Variants in CNTN5 observed in about 807,000 individuals in gnomAD.
CNTN5 encodes contactin-5.
CNTN5 carries 77 observed loss-of-function variants against 129.1 expected under a neutral mutation model. The observed-to-expected ratio is 0.60, with a 90% CI of 0.50 to 0.72. CNTN5 has a LOEUF of 0.72. CNTN5 is among the 30% of genes least tolerant of loss of function. The pLI is 0.00. For missense variants in CNTN5, 1,478 were observed against 1,328.8 expected (o/e 1.11, Z -1.75); for synonymous variants, 509 against 465.6 (o/e 1.09, Z -1.20).
chr11:99,256,924 C>T (rs1014433763), intron 1 of CNTN5, among the ~76,000 whole-genome samples: 2 of 151,946 alleles, frequency 1.3e-5, no homozygotes, highest in African/African-American at 4.8e-5. Context: ...TGCACATATT[C>T]CAAGATAGAT....
intron 1 of CNTN5, among the ~76,000 whole-genome samples, chr11:99,101,622 T>G (rs1422870867): frequency 5.9e-5 from 9 of 152,306 alleles, no homozygotes; most frequent in African/African-American, 2.2e-4. Flanking sequence ...CAGTCAAATC[T>G]ATGAACTACA....
intron 3 of CNTN5, among the ~76,000 whole-genome samples, chr11:99,749,209 A>G (rs1944155163): frequency 6.6e-6 from 1 of 152,192 alleles, no homozygotes; most frequent in Non-Finnish European, 1.5e-5. Context: ...AAAATAAAAA[A>G]TACTCTGGTC....
intron 6 of CNTN5, among the ~76,000 whole-genome samples, chr11:99,860,788 CTTG>C (rs764769209): frequency 1.4e-4 from 22 of 151,862 alleles, no homozygotes; most frequent in East Asian, 1.4e-3. Context: ...GAATGTTTTT[CTTG>C]TTGTTGTTAC....
Position 99,038,284 on chromosome 11 carries a change from TTTAA to T in CNTN5, c.-210+17017_-210+17020del, listed in dbSNP as rs1288054035. The stretch of plus-strand genomic sequence containing the variant: ...AAATTATGATAAAAGTTTTTTTACT[TTTAA>T]TTGACAAATAATAGTTGTGAATATT... On this transcript the variant is annotated intron_variant, in intron 1 of 24. Transcript: ENST00000524871. Among the ~76,000 whole-genome samples the T allele has an allele frequency of 2.0e-5, 3 of 152,172 alleles. No individual in the cohort carries two copies. In the East Asian group the frequency reaches 5.8e-4, roughly 29 times the overall value.
At chr11:100,251,601 G>A (rs926719337) in intron 16 of CNTN5, among the ~76,000 whole-genome samples, 3 of 151,770 alleles carry the variant, frequency 2.0e-5, no homozygotes, top group Non-Finnish European at 4.4e-5. Flanking sequence ...AGCTTCTAAT[G>A]TCCTCTGTCC....
Position 100,350,700 on chromosome 11 carries a change from A to G in CNTN5, c.3031-2A>G. On this transcript the variant is annotated splice_acceptor_variant, in intron 23 of 24. Coordinates refer to ENST00000524871, the MANE Select transcript of CNTN5 (RefSeq NM_014361.4). LOFTEE classifies it high-confidence loss of function. ...ATGTCTAAACCTTGTTATTACTCTC[A>G]GGTTTTTTATAGGCAAGAGGGTCAC... The G allele has an allele frequency of 6.3e-7, 1 of 1,598,784 alleles. No individual in the cohort carries two copies. Among genetic ancestry groups the G allele is most frequent in the Non-Finnish European group, 8.5e-7 (1 of 1,172,178 alleles).
chr11:100,163,285 T>A (rs1947519881), intron 13 of CNTN5, among the ~76,000 whole-genome samples: 1 of 151,820 alleles, frequency 6.6e-6, no homozygotes, highest in African/African-American at 2.4e-5. Flanking sequence ...ATTACACTTA[T>A]AATTGTTTAT....
intron 3 of CNTN5, among the ~76,000 whole-genome samples, chr11:99,796,200 G>A (rs534164827): frequency 2.0e-5 from 3 of 152,284 alleles, no homozygotes; most frequent in African/African-American, 7.2e-5. Flanking sequence ...CACTTCAGTA[G>A]CAATGGCAGT....
intron 3 of CNTN5, among the ~76,000 whole-genome samples, chr11:99,815,090 G>T (rs990898328): frequency 1.3e-5 from 2 of 152,040 alleles, no homozygotes; most frequent in African/African-American, 4.8e-5. Flanking sequence ...TTCACACCTG[G>T]GGATTATGAG....
intron 1 of CNTN5, among the ~76,000 whole-genome samples, chr11:99,295,519 G>A (rs1285122074): frequency 6.6e-6 from 1 of 152,152 alleles, no homozygotes; most frequent in Non-Finnish European, 1.5e-5. Flanking sequence ...AACAAATGAT[G>A]TCCTTCTAGA....
chr11:99,625,915 TATATATATACACACACAC>T (rs1951112419), intron 3 of CNTN5, among the ~76,000 whole-genome samples: 1 of 51,276 alleles, frequency 2.0e-5, no homozygotes, highest in African/African-American at 5.3e-5. Flanking sequence ...TATATATATA[TATATATATACACACACAC>T]ACACACACAC....
intron 3 of CNTN5, among the ~76,000 whole-genome samples, chr11:99,807,713 C>T (rs1478962043): frequency 3.3e-5 from 5 of 152,086 alleles, no homozygotes; most frequent in East Asian, 3.9e-4. Flanking sequence ...TAGAAAATTA[C>T]GTGTACAAAC....
chr11:100,154,172 T>C (rs2138324495), intron 13 of CNTN5, among the ~76,000 whole-genome samples: 2 of 152,200 alleles, frequency 1.3e-5, no homozygotes, highest in South Asian at 4.1e-4. Flanking sequence ...GTTCTCATTG[T>C]TTACTGCCGC....
chr11:99,184,069 T>G (rs995939338), intron 1 of CNTN5, among the ~76,000 whole-genome samples: 4 of 152,098 alleles, frequency 2.6e-5, no homozygotes, highest in Non-Finnish European at 2.9e-5. Context: ...TATGGTTTGC[T>G]TGGTCTGTTA....
chr11:100,148,020 T>TATC (rs1204464814), intron 13 of CNTN5, among the ~76,000 whole-genome samples: 1 of 152,208 alleles, frequency 6.6e-6, no homozygotes, highest in African/African-American at 2.4e-5. Flanking sequence ...TTAACCCCTT[T>TATC]ATCTCATTCA....
chr11:100,165,213 A>T (rs1294664461), intron 13 of CNTN5, among the ~76,000 whole-genome samples: 2 of 151,812 alleles, frequency 1.3e-5, no homozygotes, highest in Non-Finnish European at 2.9e-5. Flanking sequence ...AATAATTATT[A>T]ATCTTGTAAA....
chr11:99,446,997 A>C (rs1307211522), intron 2 of CNTN5, among the ~76,000 whole-genome samples: 1 of 152,148 alleles, frequency 6.6e-6, no homozygotes, highest in Non-Finnish European at 1.5e-5. Flanking sequence ...AGGGAAGTCT[A>C]AGCCTCTTTG....
intron 15 of CNTN5, among the ~76,000 whole-genome samples, chr11:100,216,124 C>T (rs950719758): frequency 2.6e-5 from 4 of 152,034 alleles, no homozygotes; most frequent in Non-Finnish European, 5.9e-5. Context: ...TTTCACAATA[C>T]CAGGTCAATA....
intron 8 of CNTN5, among the ~76,000 whole-genome samples, chr11:99,961,501 G>T (rs1448207568): frequency 1.3e-5 from 2 of 152,108 alleles, no homozygotes; most frequent in African/African-American, 4.8e-5. Context: ...AAGTGTAAGG[G>T]GTCTAAAGAA....
Sources: allele counts gnomAD v4.1 joint callset (sites outside exome capture counted in the v4.1 genomes callset), GRCh38; gene constraint gnomAD v4.1.1; transcripts MANE v1.5; gene names NCBI Gene and HGNC (gene_info 2026-07-23, HGNC 2026-07-21).